The following SNTG1 variants were observed in gnomAD, a reference collection of about 807,000 sequenced individuals.
The protein encoded by SNTG1 is syntrophin gamma 1.
SNTG1 carries 39 observed loss-of-function variants against 74.7 expected under a neutral mutation model. That is an observed-to-expected ratio of 0.52 (90% CI 0.40 to 0.68). The LOEUF (loss-of-function observed/expected upper bound fraction) is 0.68. SNTG1 is among the 30% of genes least tolerant of loss of function. The pLI, the probability that SNTG1 is intolerant of heterozygous loss-of-function variation, is 0.00. For missense variants in SNTG1, 685 were observed against 609.5 expected, an observed-to-expected ratio of 1.12 and a Z score of -1.30; for synonymous variants, 254 against 217.1, an observed-to-expected ratio of 1.17 and a Z score of -1.49.
chr8:50,424,980 A>G (rs1166736837), intron 4 of SNTG1, among the ~76,000 whole-genome samples: 1 of 152,214 alleles, frequency 6.6e-6, no homozygotes, highest in Non-Finnish European at 1.5e-5. Context: ...ACTGGAATAT[A>G]AAAAGTGTAT....
At chr8:49,924,958 T>C (rs573239015) in intron 1 of SNTG1, among the ~76,000 whole-genome samples, 4 of 152,060 alleles carry the variant, frequency 2.6e-5, no homozygotes, top group Admixed American at 2.6e-4. Flanking sequence ...GAGATCAGCC[T>C]GGACAACAAA....
At chr8:50,713,525 G>C (rs2095467628) in intron 17 of SNTG1, among the ~76,000 whole-genome samples, 1 of 151,974 alleles carries the variant, frequency 6.6e-6, no homozygotes. Context: ...CATTTGTCAA[G>C]CTTGGCTTTT....
intron 1 of SNTG1, among the ~76,000 whole-genome samples, chr8:50,026,289 A>G (rs1354234436): frequency 6.6e-6 from 1 of 152,158 alleles, no homozygotes; most frequent in African/African-American, 2.4e-5. Flanking sequence ...GTGGTTGACT[A>G]TTTAGTTCAG....
intron 8 of SNTG1, among the ~76,000 whole-genome samples, chr8:50,486,010 G>A (rs1189216682): frequency 1.3e-5 from 2 of 152,100 alleles, no homozygotes; most frequent in Admixed American, 6.5e-5. Flanking sequence ...TGAGGGCTCT[G>A]TTCTGTTCCA....
intron 18 of SNTG1, among the ~76,000 whole-genome samples, chr8:50,753,692 T>A (rs2131707827): frequency 6.6e-6 from 1 of 152,044 alleles, no homozygotes; most frequent in East Asian, 1.9e-4. Context: ...ATTTTTGTGT[T>A]TTTAAGCTTT....
At position 50,124,160 on chromosome 8, in the gene SNTG1, C is replaced by T. The variant is rs964321931; in HGVS notation, c.-102-48401C>T. ...TCCCTAATCCAATATGCCTTGTGTC[C>T]TTATTAAAAGAGGAGGTTAGGACAG... On this transcript the variant is annotated intron_variant, in intron 1 of 18. Coordinates refer to ENST00000642720, the MANE Select transcript of SNTG1 (RefSeq NM_018967.5). 5.5e-4 allele frequency among the ~76,000 whole-genome samples: 77 copies of T among 140,974 alleles called. 7 individuals are homozygous for T. The highest frequency in any genetic ancestry group is 1.9e-3 in the African/African-American group (75 of 38,898). The allele number at this position is 140,974 out of a possible 152,430, so 92.5% of individuals were successfully genotyped here.
intron 1 of SNTG1, among the ~76,000 whole-genome samples, chr8:49,931,247 C>A (rs1020841040): frequency 6.6e-6 from 1 of 152,156 alleles, no homozygotes; most frequent in Non-Finnish European, 1.5e-5. Context: ...TGTGGCCGAC[C>A]AACAGTTTGG....
chr8:50,282,786 A>G (rs1474277580), intron 2 of SNTG1, among the ~76,000 whole-genome samples: 1 of 152,128 alleles, frequency 6.6e-6, no homozygotes, highest in Non-Finnish European at 1.5e-5. Context: ...AAGGAAAAAT[A>G]AATAAATAAA....
At chr8:50,148,007 G>T (rs1315079228) in intron 1 of SNTG1, among the ~76,000 whole-genome samples, 1 of 152,112 alleles carries the variant, frequency 6.6e-6, no homozygotes, top group Non-Finnish European at 1.5e-5. Context: ...GTTAAATAAA[G>T]ATCAGGTTAT....
At chr8:50,000,997 A>G (rs1056196108) in intron 1 of SNTG1, among the ~76,000 whole-genome samples, 3 of 152,338 alleles carry the variant, frequency 2.0e-5, no homozygotes, top group African/African-American at 7.2e-5. Context: ...AAAGATAAAC[A>G]AAGCAGGACA....
intron 2 of SNTG1, among the ~76,000 whole-genome samples, chr8:50,195,724 G>A (rs1206943472): frequency 6.6e-6 from 1 of 152,142 alleles, no homozygotes; most frequent in East Asian, 1.9e-4. Context: ...TTCCACTGGG[G>A]GTGTGTGTTC....
intron 13 of SNTG1, among the ~76,000 whole-genome samples, chr8:50,656,071 G>A (rs1017687873): frequency 1.3e-5 from 2 of 152,138 alleles, no homozygotes; most frequent in African/African-American, 4.8e-5. Flanking sequence ...AAAATATCTA[G>A]GAGGAGGACT....
chr8:50,556,052 T>C (rs1429251618), intron 12 of SNTG1, among the ~76,000 whole-genome samples: 1 of 152,194 alleles, frequency 6.6e-6, no homozygotes, highest in Non-Finnish European at 1.5e-5. Flanking sequence ...ATAATTATAG[T>C]TGCTATAATT....
chr8:50,781,850 T>C (rs2095660501), intron 18 of SNTG1, among the ~76,000 whole-genome samples: 1 of 152,212 alleles, frequency 6.6e-6, no homozygotes, highest in Non-Finnish European at 1.5e-5. Flanking sequence ...TACCGTTTTT[T>C]CCTTTCCATG....
intron 2 of SNTG1, among the ~76,000 whole-genome samples, chr8:50,302,742 AC>A: frequency 7.6e-6 from 1 of 131,840 alleles, no homozygotes; most frequent in South Asian, 2.4e-4. Context: ...GCATGTTATA[AC>A]ATAACACGGG....
chr8:50,294,442 T>C (rs1243584467), intron 2 of SNTG1, among the ~76,000 whole-genome samples: 1 of 152,194 alleles, frequency 6.6e-6, no homozygotes, highest in Non-Finnish European at 1.5e-5. Flanking sequence ...TTCATATAAT[T>C]ATGGATACTG....
chr8:49,991,070 A>G (rs1349702369), intron 1 of SNTG1, among the ~76,000 whole-genome samples: 1 of 152,258 alleles, frequency 6.6e-6, no homozygotes, highest in African/African-American at 2.4e-5. Flanking sequence ...TACAGAATAC[A>G]TGAAGAGCTT....
At chr8:50,211,426 G>A (rs1235935363) in intron 2 of SNTG1, among the ~76,000 whole-genome samples, 2 of 151,896 alleles carry the variant, frequency 1.3e-5, no homozygotes, top group Non-Finnish European at 2.9e-5. Context: ...GACTAACATT[G>A]TTTATGTACT....
At chr8:50,741,101 A>G (rs1451021815) in intron 17 of SNTG1, among the ~76,000 whole-genome samples, 1 of 152,020 alleles carries the variant, frequency 6.6e-6, no homozygotes, top group Non-Finnish European at 1.5e-5. Context: ...ATGTAAGTTT[A>G]CCCACATAAC....
Sources: allele counts gnomAD v4.1 joint callset (sites outside exome capture counted in the v4.1 genomes callset), GRCh38; gene constraint gnomAD v4.1.1; transcripts MANE v1.5; gene names NCBI Gene and HGNC (gene_info 2026-07-23, HGNC 2026-07-21).